Variants in ERAP2 observed in about 807,000 individuals in gnomAD.
ERAP2 encodes the protein endoplasmic reticulum aminopeptidase 2.
In ERAP2, 118 loss-of-function variants were observed where a neutral mutation model predicts 111.1. That is an observed-to-expected ratio of 1.06 (90% CI 0.92 to 1.24). The LOEUF (loss-of-function observed/expected upper bound fraction) is 1.24, where lower values mean the gene tolerates loss of function less well. ERAP2 is among the 50% of genes most tolerant of loss of function. The probability of loss-of-function intolerance (pLI) is 0.00; values close to 1 mark genes in which losing one functional copy is unlikely to be tolerated. For missense variants in ERAP2, 1,131 were observed against 1,125.8 expected, an observed-to-expected ratio of 1.00 and a Z score of -0.07; for synonymous variants, 410 against 401.2, an observed-to-expected ratio of 1.02 and a Z score of -0.26.
chr5:96,877,878 G>A (rs576154381), intron 1 of ERAP2, among the ~76,000 whole-genome samples: 2 of 152,156 alleles, frequency 1.3e-5, no homozygotes, highest in South Asian at 2.1e-4. Context: ...TTTTATTTTT[G>A]TTCCTTTAAC....
At position 96,913,345 on chromosome 5, in the gene ERAP2, G is replaced by A; in HGVS notation, c.2545G>A (p.Val849Ile). 1 of 1,614,010 alleles carries A rather than the reference G, an allele frequency of 6.2e-7. No individual in the cohort carries two copies. Among genetic ancestry groups the A allele is most frequent in the Admixed American group, 1.7e-5 (1 of 60,008 alleles). ...AATTGAACTAGGAATGGAAGGAAAGGTTATCAAGACACAGAACTTGGCAGC... is the reference window on the plus strand; with the variant it reads ...AATTGAACTAGGAATGGAAGGAAAGATTATCAAGACACAGAACTTGGCAGC... ...KLIELGMEGK[V>I]IKTQNLAALL... Residue 849 changes from valine (V) to isoleucine (I), a missense_variant, in exon 17 of 19, where the codon GTT (valine) becomes ATT (isoleucine). Val to Ile is a conservative substitution (Grantham distance 29). Transcript: ENST00000437043.
At chr5:96,882,329 T>G (rs973923616) in intron 2 of ERAP2, among the ~76,000 whole-genome samples, 1 of 152,196 alleles carries the variant, frequency 6.6e-6, no homozygotes, top group African/African-American at 2.4e-5. Flanking sequence ...GGGGAGATAT[T>G]TGGAGTAAAG....
chr5:96,885,025 A>G (rs897469682), intron 3 of ERAP2, among the ~76,000 whole-genome samples: 2 of 152,172 alleles, frequency 1.3e-5, no homozygotes, highest in African/African-American at 2.4e-5. Context: ...ATTTAAGGCA[A>G]TGTTAATCTA....
At chr5:96,892,805 TC>T (rs1171378891) in intron 6 of ERAP2, among the ~76,000 whole-genome samples, 3 of 152,114 alleles carry the variant, frequency 2.0e-5, no homozygotes, top group African/African-American at 7.2e-5. Flanking sequence ...TCTCCTTATA[TC>T]CCCTGGTACT....
chr5:96,902,575 T>A, intron 12 of ERAP2: 1 of 424,314 alleles, frequency 2.4e-6, no homozygotes, highest in Non-Finnish European at 4.2e-6. Context: ...TAGAGACAGA[T>A]TATTTACATC....
intron 5 of ERAP2, among the ~76,000 whole-genome samples, chr5:96,889,660 T>A (rs1156914763): frequency 6.6e-6 from 1 of 152,146 alleles, no homozygotes; most frequent in Admixed American, 6.6e-5. Context: ...GTGACTGCTC[T>A]GTTCAAAATA....
intron 10 of ERAP2, 56 bp downstream of exon 10, chr5:96,900,245 A>G (rs1223917284): frequency 6.2e-7 from 1 of 1,609,034 alleles, no homozygotes; most frequent in Non-Finnish European, 8.5e-7. Flanking sequence ...CCTGACCTAG[A>G]GTGAGTATGA....
At chr5:96,895,003 G>A (rs866518832) in intron 6 of ERAP2, among the ~76,000 whole-genome samples, 1 of 151,816 alleles carries the variant, frequency 6.6e-6, no homozygotes, top group Non-Finnish European at 1.5e-5. Context: ...AATGAAAGTC[G>A]AAGAGTTAAG....
rs1786466709 is a variant in ERAP2, at chr5:96,909,461, CTGTT to C, written c.2170-116_2170-113del. The stretch of plus-strand genomic sequence containing the variant: ...AAGATAAGAGAAATACGAAGATACA[CTGTT>C]TGGGGAAAGATTGGGAAAGATGCAG... On this transcript the variant is annotated intron_variant, in intron 14 of 18. Coordinates refer to ENST00000437043, the MANE Select transcript of ERAP2 (RefSeq NM_022350.5). The C allele has an allele frequency of 5.1e-6, 4 of 777,670 alleles. No homozygotes were observed. In the South Asian group the frequency reaches 7.0e-5, roughly 14 times the overall value. 48.2% of individuals were successfully genotyped at this position (777,670 alleles called of 1,614,324 possible).
intron 4 of ERAP2, 83 bp from the exon 5 acceptor site, chr5:96,889,102 C>T (rs1784061483): frequency 1.3e-6 from 2 of 1,526,364 alleles, no homozygotes; most frequent in Admixed American, 3.6e-5. Context: ...TACAGTCTGC[C>T]TTTCTGTGTG....
Position 96,896,965 on chromosome 5 carries a change from T to TAAGTCATATGTTGGGTAACGATAGAC in ERAP2, c.1503+102_1503+103insAAGTCATATGTTGGGTAACGATAGAC, listed in dbSNP as rs1234064734. 1.8e-3 allele frequency: 1,822 copies of TAAGTCATATGTTGGGTAACGATAGAC among 987,758 alleles called. 3 individuals carry two copies. The highest frequency in any genetic ancestry group is 4.0e-3 in the South Asian group (175 of 44,018). 61.2% of individuals were successfully genotyped at this position (987,758 alleles called of 1,614,324 possible). Reference sequence around the variant, plus strand: ...AGCTATATATTGTCAGTCAACCATATTTATTCTGCTTGCTATGTTGTCATG... The same window carrying TAAGTCATATGTTGGGTAACGATAGAC: ...AGCTATATATTGTCAGTCAACCATATAAGTCATATGTTGGGTAACGATAGACTTATTCTGCTTGCTATGTTGTCATG... On this transcript the variant is annotated intron_variant, in intron 9 of 18. Transcript: ENST00000437043.
At chr5:96,876,777 A>G (rs1209495129) in intron 1 of ERAP2, among the ~76,000 whole-genome samples, 2 of 151,986 alleles carry the variant, frequency 1.3e-5, no homozygotes, top group African/African-American at 4.8e-5. Flanking sequence ...GTTTGTGACA[A>G]TTCTTGCCTC....
intron 9 of ERAP2, among the ~76,000 whole-genome samples, chr5:96,897,954 T>C (rs1327010754): frequency 6.6e-6 from 1 of 152,236 alleles, no homozygotes; most frequent in Non-Finnish European, 1.5e-5. Flanking sequence ...CCCAAGACTT[T>C]GGGACACCAA....
intron 13 of ERAP2, 108 bp downstream of exon 13, chr5:96,903,668 T>C: frequency 2.9e-6 from 3 of 1,048,838 alleles, no homozygotes; most frequent in Non-Finnish European, 4.1e-6. Flanking sequence ...AATATGGATT[T>C]GAATGGAATT....
In ERAP2 at chr5:96,883,870, C is replaced by T. The variant is rs1290522373; in HGVS notation, c.654C>T (p.Ala218=). The change falls in exon 3 of 19, where the codon GCC becomes GCT. Residue 218 remains alanine, a synonymous_variant. Transcript: ENST00000437043. The part of the protein sequence containing the change: ...FPCFDEPLFK[A]NFSIKIRRES... The stretch of plus-strand genomic sequence containing the variant: ...GCTTTGATGAACCGTTGTTCAAAGC[C>T]AACTTTTCAATCAAGATACGAAGAG... The T allele has an allele frequency of 6.2e-7, 1 of 1,613,618 alleles. No homozygotes were observed.
rs1554055535 is a variant in ERAP2 at position 96,887,073 on chromosome 5, G to GTGTA, written c.849+285_849+286insGTAT. On this transcript the variant is annotated intron_variant, in intron 4 of 18. Transcript: ENST00000437043. ...TATATATGTAAAGGTAATTTTCAAA[G>GTGTA]TATATATATATATATATATATATAT... 5.2e-3 allele frequency among the ~76,000 whole-genome samples: 455 copies of GTGTA among 87,148 alleles called. 5 individuals carry two copies. The highest frequency in any genetic ancestry group is 0.019 in the African/African-American group (431 of 22,762). The allele number at this position is 87,148 out of a possible 152,430, so 57.2% of individuals were successfully genotyped here. A position where few individuals can be genotyped will look rare whatever the true frequency, so the allele number is the denominator to read the frequency against.
At chr5:96,900,227 T>C in intron 10 of ERAP2, 38 bp downstream of exon 10, 1 of 1,612,054 alleles carries the variant, frequency 6.2e-7, no homozygotes, top group Non-Finnish European at 8.5e-7. Context: ...AAGAGATCTG[T>C]GGAATAGCCT....
chr5:96,911,034 T>C (rs1339467655), intron 15 of ERAP2, among the ~76,000 whole-genome samples: 2 of 152,354 alleles, frequency 1.3e-5, no homozygotes, highest in East Asian at 3.8e-4. Flanking sequence ...TATTATATTA[T>C]TCAAATGTCA....
intron 6 of ERAP2, 40 bp from the exon 7 acceptor site, chr5:96,895,206 T>G: frequency 8.1e-7 from 1 of 1,228,798 alleles, no homozygotes; most frequent in Non-Finnish European, 1.2e-6. Context: ...ATAATTTTTA[T>G]TTGTTTAACT....
Sources: allele counts gnomAD v4.1 joint callset (sites outside exome capture counted in the v4.1 genomes callset), GRCh38; gene constraint gnomAD v4.1.1; transcripts MANE v1.5; gene names NCBI Gene and HGNC (gene_info 2026-07-23, HGNC 2026-07-21).